PTBP2: variants seen among roughly 807,000 people sequenced by gnomAD.
The protein encoded by PTBP2 is polypyrimidine tract binding protein 2.
In PTBP2, 13 loss-of-function variants were observed where a neutral mutation model predicts 61.4. That is an observed-to-expected ratio of 0.21 (90% CI 0.14 to 0.34). The LOEUF is 0.34. Among genes scored for constraint, PTBP2 ranks in the 10% least tolerant of loss-of-function variants. The pLI, the probability that PTBP2 is intolerant of heterozygous loss-of-function variation, is 1.00. For missense variants in PTBP2, 405 were observed against 642.6 expected (o/e 0.63, Z 4.00); for synonymous variants, 215 against 218.5 (o/e 0.98, Z 0.14).
chr1:96,815,345 A>G (rs965832951), downstream of PTBP2: 13 of 152,146 alleles, frequency 8.5e-5, no homozygotes, highest in African/African-American at 3.1e-4. Flanking sequence ...AAAGAACTTG[A>G]TATTACTGGG....
chr1:96,811,856 A>G (rs936272369), intron 11 of PTBP2, among the ~76,000 whole-genome samples: 11 of 152,226 alleles, frequency 7.2e-5, no homozygotes, highest in African/African-American at 2.2e-4. Context: ...GCATCAGACC[A>G]GTTCATTTAG....
intron 5 of PTBP2, among the ~76,000 whole-genome samples, chr1:96,775,140 C>T (rs375283134): frequency 4.6e-5 from 7 of 152,144 alleles, no homozygotes; most frequent in Non-Finnish European, 7.4e-5. Context: ...GTGTTAACTC[C>T]GAATGAGATA....
intron 2 of PTBP2, among the ~76,000 whole-genome samples, chr1:96,744,507 C>T (rs186135615): frequency 8.2e-4 from 125 of 152,260 alleles, no homozygotes; most frequent in Middle Eastern, 3.4e-3. Context: ...AGAATACTAG[C>T]TCTCCACGTC....
chr1:96,786,191 A>G (rs1490896187), intron 8 of PTBP2, among the ~76,000 whole-genome samples: 1 of 152,200 alleles, frequency 6.6e-6, no homozygotes, highest in Non-Finnish European at 1.5e-5. Context: ...CCAATATATA[A>G]CAGTCATGCC....
chr1:96,764,304 A>G (rs1234057360), intron 3 of PTBP2, among the ~76,000 whole-genome samples: 2 of 152,232 alleles, frequency 1.3e-5, no homozygotes, highest in Non-Finnish European at 2.9e-5. Context: ...CCTTCAAGAG[A>G]TATAAAAGTG....
chr1:96,742,681 C>CTTTTT (rs1653195659), intron 2 of PTBP2, among the ~76,000 whole-genome samples: 1 of 97,562 alleles, frequency 1.0e-5, no homozygotes, highest in African/African-American at 4.0e-5. Context: ...TTTTTTTTTA[C>CTTTTT]TTTTAGAGTT....
At chr1:96,732,593 A>T (rs1395259867) in intron 2 of PTBP2, among the ~76,000 whole-genome samples, 1 of 152,234 alleles carries the variant, frequency 6.6e-6, no homozygotes, top group Non-Finnish European at 1.5e-5. Context: ...TAAAAAGATA[A>T]ATAACAAGAC....
intron 8 of PTBP2, among the ~76,000 whole-genome samples, chr1:96,790,705 A>G (rs1300150460): frequency 6.6e-6 from 1 of 152,160 alleles, no homozygotes; most frequent in Non-Finnish European, 1.5e-5. Flanking sequence ...ATGAACAGGT[A>G]CAGTATAGAT....
At chr1:96,805,039 C>T (rs1661369915) in intron 9 of PTBP2, 100 bp downstream of exon 9, 1 of 912,566 alleles carries the variant, frequency 1.1e-6, no homozygotes, top group Non-Finnish European at 1.6e-6. Flanking sequence ...TTTTTATGTA[C>T]ATTCATTAGT....
At chr1:96,754,158 A>T (rs1249389781) in intron 3 of PTBP2, among the ~76,000 whole-genome samples, 1 of 152,168 alleles carries the variant, frequency 6.6e-6, no homozygotes, top group Non-Finnish European at 1.5e-5. Context: ...ACAGCTGCGA[A>T]AAAAACGTCT....
intron 8 of PTBP2, among the ~76,000 whole-genome samples, chr1:96,787,024 A>AT (rs968259584): frequency 6.6e-6 from 1 of 151,762 alleles, no homozygotes; most frequent in Admixed American, 6.6e-5. Context: ...TAATAAAGTC[A>AT]TTTTTTTTCT....
intron 5 of PTBP2, among the ~76,000 whole-genome samples, chr1:96,776,588 T>C (rs578215426): frequency 1.5e-4 from 23 of 152,132 alleles, no homozygotes; most frequent in South Asian, 6.2e-4. Context: ...CCTGTTGATA[T>C]AGATTTTTCA....
At chr1:96,789,278 C>T (rs1033361402) in intron 8 of PTBP2, among the ~76,000 whole-genome samples, 4 of 152,036 alleles carry the variant, frequency 2.6e-5, no homozygotes, top group African/African-American at 9.7e-5. Context: ...TGTAGGAAAT[C>T]ATTGACGTTA....
intron 2 of PTBP2, among the ~76,000 whole-genome samples, chr1:96,746,887 C>CTG (rs1653884203): frequency 2.1e-5 from 1 of 46,848 alleles, no homozygotes; most frequent in Non-Finnish European, 3.7e-5. Flanking sequence ...CCCTCCCTCC[C>CTG]TCCCTCCCTC....
chr1:96,778,567 G>C (rs751954388), intron 7 of PTBP2, among the ~76,000 whole-genome samples: 51 of 151,940 alleles, frequency 3.4e-4, no homozygotes, highest in Non-Finnish European at 6.0e-4. Context: ...TCTTCTGTTT[G>C]TATATCTTAA....
At chr1:96,810,746 C>G (rs1662002432) in intron 11 of PTBP2, among the ~76,000 whole-genome samples, 1 of 152,040 alleles carries the variant, frequency 6.6e-6, no homozygotes, top group African/African-American at 2.4e-5. Flanking sequence ...CACATTTTAT[C>G]TGAGGTAGTT....
chr1:96,803,638 T>C (rs1446839824), intron 8 of PTBP2, among the ~76,000 whole-genome samples: 2 of 152,142 alleles, frequency 1.3e-5, no homozygotes, highest in East Asian at 1.9e-4. Flanking sequence ...TGAAAGGTCA[T>C]AGTAGTTTCT....
intron 2 of PTBP2, among the ~76,000 whole-genome samples, chr1:96,724,603 A>G (rs371919675): frequency 2.7e-5 from 4 of 149,652 alleles, no homozygotes; most frequent in African/African-American, 9.9e-5. Flanking sequence ...CTCTGTCCTG[A>G]GAGGCTTTCT....
chr1:96,764,774 C>T (rs1453773290), intron 3 of PTBP2, among the ~76,000 whole-genome samples: 1 of 152,114 alleles, frequency 6.6e-6, no homozygotes, highest in South Asian at 2.1e-4. Context: ...GTAGTGAGAG[C>T]CTTATTTCAT....
Sources: gnomAD v4.1 joint callset for allele counts (sites outside exome capture counted in the v4.1 genomes callset) on GRCh38, gnomAD v4.1.1 for gene constraint, MANE v1.5 for transcripts, NCBI Gene and HGNC (gene_info 2026-07-23, HGNC 2026-07-21) for gene names.